RIMKLB: variants seen among roughly 807,000 people sequenced by gnomAD.
The protein encoded by RIMKLB is ribosomal modification protein rimK like family member B.
RIMKLB carries 7 observed loss-of-function variants against 32.0 expected under a neutral mutation model. The observed-to-expected ratio is 0.22, with a 90% CI of 0.12 to 0.41. RIMKLB has a LOEUF of 0.41. Among genes scored for constraint, RIMKLB ranks in the 10% least tolerant of loss-of-function variants. The pLI is 1.00. For missense variants in RIMKLB, 289 were observed against 498.7 expected, an observed-to-expected ratio of 0.58 and a Z score of 4.00; for synonymous variants, 172 against 185.1, an observed-to-expected ratio of 0.93 and a Z score of 0.57.
At chr12:8,679,802 G>GCCTGCGAGTCAT (rs1225714544), upstream of RIMKLB, 2 of 152,246 alleles carry the variant, frequency 1.3e-5, no homozygotes, top group African/African-American at 2.4e-5. Context: ...CCTGAGCGAA[G>GCCTGCGAGTCAT]CCTGCGAGTC....
At chr12:8,753,792 C>T in intron 4 of RIMKLB, 98 bp from the exon 5 acceptor site, 1 of 932,898 alleles carries the variant, frequency 1.1e-6, no homozygotes, top group East Asian at 2.6e-5. Context: ...GTAGTTGGTT[C>T]TGAAATAGCA....
chr12:8,720,557 T>C (rs961033610), intron 2 of RIMKLB, among the ~76,000 whole-genome samples: 36 of 152,196 alleles, frequency 2.4e-4, no homozygotes, highest in Admixed American at 2.3e-3. Context: ...TGTGTGTGTG[T>C]GCGACACGGA....
At chr12:8,688,737 C>A (rs937472047) in intron 1 of RIMKLB, among the ~76,000 whole-genome samples, 1 of 151,976 alleles carries the variant, frequency 6.6e-6, no homozygotes, top group Non-Finnish European at 1.5e-5. Context: ...GGCTGTTGAG[C>A]ATAATGAAAG....
upstream of RIMKLB, among the ~76,000 whole-genome samples, chr12:8,694,176 T>A (rs772338984): frequency 6.6e-6 from 1 of 152,130 alleles, no homozygotes; most frequent in Non-Finnish European, 1.5e-5. Context: ...GAGGTTGCAG[T>A]GAGCCAAGAT....
At chr12:8,727,916 T>A (rs1033620359) in intron 2 of RIMKLB, among the ~76,000 whole-genome samples, 2 of 137,156 alleles carry the variant, frequency 1.5e-5, no homozygotes, top group African/African-American at 2.7e-5. Flanking sequence ...AAAAAAAAAA[T>A]CTAGTATTTT....
intron 2 of RIMKLB, among the ~76,000 whole-genome samples, chr12:8,717,152 A>G (rs756522736): frequency 6.6e-6 from 1 of 151,902 alleles, no homozygotes; most frequent in African/African-American, 2.4e-5. Flanking sequence ...CAGATGAGGA[A>G]ACAGCCTCTT....
chr12:8,687,417 C>T (rs1033198144), intron 1 of RIMKLB, among the ~76,000 whole-genome samples: 8 of 152,148 alleles, frequency 5.3e-5, no homozygotes, highest in Non-Finnish European at 1.2e-4. Flanking sequence ...CTTAGTATCT[C>T]CATCCTCCTT....
At chr12:8,742,710 C>A in intron 2 of RIMKLB, 1 of 220,454 alleles carries the variant, frequency 4.5e-6, no homozygotes, top group Non-Finnish European at 9.1e-6. Context: ...TTTGCTACCA[C>A]CACTGGAGCC....
At chr12:8,695,404 G>C (rs1840649544), upstream of RIMKLB, among the ~76,000 whole-genome samples, 2 of 152,218 alleles carry the variant, frequency 1.3e-5, no homozygotes, top group Admixed American at 6.5e-5. Flanking sequence ...TGTATGTACA[G>C]CCTTTCTGAA....
chr12:8,777,689 G>A, downstream of RIMKLB: 1 of 1,288,142 alleles, frequency 7.8e-7, no homozygotes, highest in African/African-American at 1.5e-5. Flanking sequence ...GAGAAGTATT[G>A]AGAACTTTCG....
intron 2 of RIMKLB, among the ~76,000 whole-genome samples, chr12:8,748,325 A>C (rs912855244): frequency 7.9e-5 from 12 of 152,180 alleles, no homozygotes; most frequent in African/African-American, 2.9e-4. Flanking sequence ...CTCTTATTAC[A>C]GTAATTGTTA....
Position 8,776,199 on chromosome 12 carries a change from A to G in RIMKLB, c.*2415A>G. The G allele has an allele frequency of 1.0e-6, 1 of 981,850 alleles. No homozygotes were observed. Among genetic ancestry groups the G allele is most frequent in the Non-Finnish European group, 1.2e-6 (1 of 826,692 alleles). The allele number at this position is 981,850 out of a possible 1,614,324, so 60.8% of individuals were successfully genotyped here. A position where few individuals can be genotyped will look rare whatever the true frequency, so the allele number is the denominator to read the frequency against. On this transcript the variant is annotated 3_prime_UTR_variant, in exon 6 of 6. Transcript: ENST00000535829. The stretch of plus-strand genomic sequence containing the variant: ...TTATACCAAATTAACCAACTATATT[A>G]TAGGAAATATGTGAAATTAGTTCAT...
intron 2 of RIMKLB, among the ~76,000 whole-genome samples, chr12:8,734,356 G>A (rs1230175659): frequency 6.6e-6 from 1 of 152,162 alleles, no homozygotes; most frequent in Non-Finnish European, 1.5e-5. Flanking sequence ...AATAGAATGA[G>A]CTAGTTTACC....
intron 2 of RIMKLB, among the ~76,000 whole-genome samples, chr12:8,745,252 C>T (rs1018853456): frequency 1.3e-5 from 2 of 150,472 alleles, no homozygotes; most frequent in Non-Finnish European, 3.0e-5. Flanking sequence ...GCTGGCCTTG[C>T]TGGTTTGTTT....
At chr12:8,709,691 C>T (rs774355161) in intron 1 of RIMKLB, among the ~76,000 whole-genome samples, 3 of 152,294 alleles carry the variant, frequency 2.0e-5, no homozygotes, top group South Asian at 2.1e-4. Flanking sequence ...CCTGGTTTCA[C>T]TTTCTGTGGT....
the RIMKLB span, among the ~76,000 whole-genome samples, chr12:8,673,984 C>T: frequency 1.3e-5 from 2 of 152,016 alleles, no homozygotes; most frequent in East Asian, 3.9e-4. Flanking sequence ...CAGAAGTCCC[C>T]ACCATGTTCT....
intron 1 of RIMKLB, among the ~76,000 whole-genome samples, chr12:8,685,654 T>C (rs936172864): frequency 1.3e-5 from 2 of 149,402 alleles, no homozygotes; most frequent in African/African-American, 5.1e-5. Flanking sequence ...CTTTCATTTC[T>C]TACTTTTTTT....
At chr12:8,723,804 CTTTTTTTTTTTT>C (rs35269536) in intron 2 of RIMKLB, among the ~76,000 whole-genome samples, 12 of 75,504 alleles carry the variant, frequency 1.6e-4, no homozygotes, top group Non-Finnish European at 2.1e-4. Context: ...CTTCAGTTCC[CTTTTTTTTTTTT>C]TTTTTTTTTT....
chr12:8,705,049 G>A (rs1218885622), intron 1 of RIMKLB, among the ~76,000 whole-genome samples: 1 of 151,806 alleles, frequency 6.6e-6, no homozygotes, highest in Non-Finnish European at 1.5e-5. Context: ...AAATAGGTAA[G>A]TGTTTGGGGT....
Sources: allele counts gnomAD v4.1 joint callset (sites outside exome capture counted in the v4.1 genomes callset), GRCh38; gene constraint gnomAD v4.1.1; transcripts MANE v1.5; gene names NCBI Gene and HGNC (gene_info 2026-07-23, HGNC 2026-07-21).